Variants in IL1RAPL1 observed in about 807,000 individuals in gnomAD.
The protein encoded by IL1RAPL1 is interleukin-1 receptor accessory protein-like 1.
A neutral mutation model predicts 48.4 loss-of-function variants in IL1RAPL1; 3 were observed. The observed-to-expected ratio is 0.06, with a 90% CI of 0.03 to 0.16. IL1RAPL1 has a LOEUF of 0.16. Ranked by LOEUF, IL1RAPL1 falls within the 10% of genes least tolerant of loss-of-function variation. The pLI is 1.00. For missense variants in IL1RAPL1, 349 were observed against 530.6 expected, an observed-to-expected ratio of 0.66 and a Z score of 3.36; for synonymous variants, 185 against 187.7, an observed-to-expected ratio of 0.99 and a Z score of 0.12.
intron 1 of IL1RAPL1, among the ~76,000 whole-genome samples, chrX:28,756,285 T>A (rs995967423): frequency 1.8e-5 from 2 of 111,515 alleles, no homozygotes; most frequent in Non-Finnish European, 3.8e-5. Context: ...CCTTCCTTCC[T>A]TTCACTATAA....
At chrX:28,832,212 G>A (rs1010689364) in intron 2 of IL1RAPL1, among the ~76,000 whole-genome samples, 3 of 110,445 alleles carry the variant, frequency 2.7e-5, no homozygotes, top group Admixed American at 9.7e-5. Context: ...CTATATCACC[G>A]TATTTTTGTA....
chrX:28,771,953 AAAAAAAG>A (rs1225919502), intron 1 of IL1RAPL1, among the ~76,000 whole-genome samples: 5 of 109,298 alleles, frequency 4.6e-5, no homozygotes, highest in Non-Finnish European at 9.5e-5. Flanking sequence ...AAAAAAAAAA[AAAAAAAG>A]AAAAAAGAAA....
intron 6 of IL1RAPL1, among the ~76,000 whole-genome samples, chrX:29,867,195 CATT>C (rs1931712806): frequency 9.0e-6 from 1 of 111,436 alleles, no homozygotes; most frequent in African/African-American, 3.3e-5. Context: ...TTTCAGTTAA[CATT>C]ATGAAATAGA....
intron 1 of IL1RAPL1, among the ~76,000 whole-genome samples, chrX:28,740,812 C>T (rs1281563271): frequency 8.9e-6 from 1 of 111,825 alleles, no homozygotes; most frequent in East Asian, 2.8e-4. Context: ...CATGTTGCTA[C>T]AAGGATTTGA....
chrX:29,258,311 G>A (rs1020403322), intron 2 of IL1RAPL1, among the ~76,000 whole-genome samples: 2 of 111,464 alleles, frequency 1.8e-5, no homozygotes, highest in African/African-American at 6.5e-5. Context: ...CAATGTGAGC[G>A]ATTAGGTAAA....
intron 1 of IL1RAPL1, among the ~76,000 whole-genome samples, chrX:28,644,425 G>T (rs1197649275): frequency 2.7e-5 from 3 of 111,683 alleles, no homozygotes; most frequent in African/African-American, 9.8e-5. Context: ...GAAAAGAAAA[G>T]AAAACTTTGC....
intron 2 of IL1RAPL1, among the ~76,000 whole-genome samples, chrX:28,797,435 C>T (rs927168710): frequency 1.9e-4 from 21 of 111,706 alleles, no homozygotes; most frequent in African/African-American, 6.5e-4. Flanking sequence ...CAAGTCACCT[C>T]TTGAACACTT....
chrX:29,906,066 TATAGTTC>T (rs1471054757), intron 6 of IL1RAPL1, among the ~76,000 whole-genome samples: 12 of 110,297 alleles, frequency 1.1e-4, no homozygotes, highest in African/African-American at 4.0e-4. Context: ...AGAGTCAAAA[TATAGTTC>T]AAAGACAGTA....
chrX:29,378,637 A>G (rs1341027871), intron 3 of IL1RAPL1, among the ~76,000 whole-genome samples: 1 of 112,250 alleles, frequency 8.9e-6, no homozygotes, highest in Non-Finnish European at 1.9e-5. Context: ...AGGATATATT[A>G]GCAAAATGTT....
At chrX:29,730,331 C>T (rs1265397420) in intron 6 of IL1RAPL1, among the ~76,000 whole-genome samples, 6 of 112,121 alleles carry the variant, frequency 5.4e-5, no homozygotes, top group Non-Finnish European at 1.1e-4. Flanking sequence ...AACTTTACCC[C>T]CTGGATGCTG....
chrX:29,186,729 G>A (rs775927538), intron 2 of IL1RAPL1, among the ~76,000 whole-genome samples: 2 of 111,221 alleles, frequency 1.8e-5, no homozygotes, highest in East Asian at 5.6e-4. Context: ...TTATTGACTA[G>A]TATATGACAG....
intron 2 of IL1RAPL1, among the ~76,000 whole-genome samples, chrX:28,931,852 G>A (rs1447126482): frequency 1.3e-4 from 14 of 108,426 alleles, no homozygotes; most frequent in East Asian, 2.9e-4. Context: ...CCTTGCTAAC[G>A]TGGTGAAACC....
chrX:29,432,003 T>A (rs1433159308), intron 5 of IL1RAPL1, among the ~76,000 whole-genome samples: 1 of 111,665 alleles, frequency 9.0e-6, no homozygotes, highest in Non-Finnish European at 1.9e-5. Flanking sequence ...ACTTAGCTGA[T>A]CTCTTTTGGA....
intron 2 of IL1RAPL1, among the ~76,000 whole-genome samples, chrX:29,161,844 A>C (rs1432863576): frequency 8.9e-6 from 1 of 112,253 alleles, no homozygotes; most frequent in Non-Finnish European, 1.9e-5. Context: ...TGACACAGCA[A>C]TCCCATTACT....
chrX:28,795,530 C>T (rs1312262131), intron 2 of IL1RAPL1, among the ~76,000 whole-genome samples: 1 of 111,041 alleles, frequency 9.0e-6, no homozygotes, highest in Non-Finnish European at 1.9e-5. Flanking sequence ...ATGAATCTTC[C>T]AAGTTGACTA....
At chrX:29,245,092 G>A (rs763395186) in intron 2 of IL1RAPL1, among the ~76,000 whole-genome samples, 34 of 111,030 alleles carry the variant, frequency 3.1e-4, no homozygotes, top group Middle Eastern at 4.7e-3. Context: ...ATGTCCCTGC[G>A]AAGGACATGA....
intron 1 of IL1RAPL1, among the ~76,000 whole-genome samples, chrX:28,737,618 A>G (rs1270625560): frequency 8.9e-6 from 1 of 112,131 alleles, no homozygotes; most frequent in Non-Finnish European, 1.9e-5. Context: ...AAACAATAGA[A>G]AAGTAATAAT....
At chrX:29,751,042 CTTA>C (rs1928448973) in intron 6 of IL1RAPL1, among the ~76,000 whole-genome samples, 1 of 111,434 alleles carries the variant, frequency 9.0e-6, no homozygotes, top group African/African-American at 3.3e-5. Flanking sequence ...CTAGTCTCTG[CTTA>C]TTTTTATATT....
chrX:29,496,957 TA>T (rs1031355552), intron 5 of IL1RAPL1, among the ~76,000 whole-genome samples: 3 of 112,554 alleles, frequency 2.7e-5, no homozygotes, highest in African/African-American at 9.7e-5. Context: ...CTGGCTTTCA[TA>T]AGGTTTGGAA....
Sources: allele counts gnomAD v4.1 joint callset (sites outside exome capture counted in the v4.1 genomes callset), GRCh38; gene constraint gnomAD v4.1.1; transcripts MANE v1.5; gene names NCBI Gene and HGNC (gene_info 2026-07-23, HGNC 2026-07-21).